The following CLEC16A variants were observed in gnomAD, a reference collection of about 807,000 sequenced individuals.
CLEC16A encodes the protein C-type lectin domain containing 16A, also known as protein CLEC16A.
CLEC16A carries 51 observed loss-of-function variants against 109.5 expected under a neutral mutation model. The ratio of observed to expected loss-of-function variants is 0.47; its 90% confidence interval spans 0.37 to 0.59. The LOEUF is 0.59. Among genes scored for constraint, CLEC16A ranks in the 20% least tolerant of loss-of-function variants. The probability of loss-of-function intolerance (pLI) is 0.00; values close to 1 mark genes in which losing one functional copy is unlikely to be tolerated. For synonymous variants in CLEC16A, 673 were observed against 564.2 expected (o/e 1.19, Z -2.73); for missense variants, 1,339 against 1,394.0 (o/e 0.96, Z 0.63).
chr16:11,061,004 G>A lies in CLEC16A; in HGVS notation c.2098G>A (p.Asp700Asn). The A allele has an allele frequency of 6.2e-7, 1 of 1,609,876 alleles. No individual in the cohort carries two copies. The highest frequency in any genetic ancestry group is 8.5e-7 in the Non-Finnish European group (1 of 1,178,762). The part of the protein sequence containing the change: ...LTREEDLIKT[D>N]DVLDLNNSDL... ...TCGGGAGGAGGACCTGATCAAGACT[G>A]ATGATGTCCTGGATCTGAGTGAGTT... is the stretch of plus-strand genomic sequence containing the variant. Residue 700 changes from aspartate to asparagine, a missense_variant, in exon 19 of 24, where the codon GAT (aspartate) becomes AAT (asparagine). Physicochemically the swap from Asp to Asn is conservative, Grantham distance 23 (BLOSUM62 1). Around this residue, in one of 3 missense-constraint regions of CLEC16A, gnomAD observed 1,061 missense variants for 1,006.8 expected, o/e 1.05. Coordinates refer to ENST00000409790, the MANE Select transcript of CLEC16A (RefSeq NM_015226.3).
chr16:11,018,795 A>G (rs187483561), intron 11 of CLEC16A, among the ~76,000 whole-genome samples: 2 of 149,628 alleles, frequency 1.3e-5, no homozygotes, highest in African/African-American at 4.9e-5. Flanking sequence ...TTCAAGAGAT[A>G]GTGAGAAGCC....
At chr16:10,989,704 C>G (rs985042056) in intron 10 of CLEC16A, among the ~76,000 whole-genome samples, 1 of 152,192 alleles carries the variant, frequency 6.6e-6, no homozygotes, top group Non-Finnish European at 1.5e-5. Context: ...AGATGAATCT[C>G]TGGACACCTG....
At chr16:11,046,588 C>T (rs1356242394) in intron 16 of CLEC16A, among the ~76,000 whole-genome samples, 1 of 152,266 alleles carries the variant, frequency 6.6e-6, no homozygotes, top group Non-Finnish European at 1.5e-5. Context: ...CAACCCTGAA[C>T]GAGTGACAGG....
chr16:11,051,967 C>T (rs981797304), intron 18 of CLEC16A, among the ~76,000 whole-genome samples: 3 of 152,146 alleles, frequency 2.0e-5, no homozygotes, highest in African/African-American at 4.8e-5. Flanking sequence ...GGGGTGAGCA[C>T]GGTACATCCA....
intron 17 of CLEC16A, among the ~76,000 whole-genome samples, chr16:11,051,192 C>T (rs2047921694): frequency 6.6e-6 from 1 of 152,210 alleles, no homozygotes; most frequent in Non-Finnish European, 1.5e-5. Flanking sequence ...ACCTGGCCTC[C>T]TGCTGAGAAT....
chr16:10,945,783 C>G (rs1384083044), intron 1 of CLEC16A, among the ~76,000 whole-genome samples: 1 of 152,190 alleles, frequency 6.6e-6, no homozygotes, highest in Admixed American at 6.5e-5. Context: ...TCCCCCCATC[C>G]CAGTTCCTAT....
At chr16:11,157,788 G>A (rs2054588522) in intron 22 of CLEC16A, among the ~76,000 whole-genome samples, 1 of 152,220 alleles carries the variant, frequency 6.6e-6, no homozygotes. Context: ...TCTTTGAGCA[G>A]CCGTGGGTAG....
chr16:11,111,041 A>G (rs985406537), intron 19 of CLEC16A, among the ~76,000 whole-genome samples: 5 of 151,926 alleles, frequency 3.3e-5, no homozygotes, highest in African/African-American at 1.2e-4. Context: ...AAGGTCCCCA[A>G]AACAGCCAAT....
At chr16:11,027,512 G>T in intron 13 of CLEC16A, 1 of 1,582,952 alleles carries the variant, frequency 6.3e-7, no homozygotes, top group Non-Finnish European at 8.6e-7. Context: ...TCAAGAGTAA[G>T]ACCATCCCTC....
chr16:11,080,265 C>T (rs538250590), intron 19 of CLEC16A, among the ~76,000 whole-genome samples: 1 of 152,320 alleles, frequency 6.6e-6, no homozygotes, highest in South Asian at 2.1e-4. Flanking sequence ...TGCACTTCAG[C>T]AGGTGGGTGC....
chr16:11,143,541 T>C (rs1420565416), intron 22 of CLEC16A, among the ~76,000 whole-genome samples: 1 of 152,210 alleles, frequency 6.6e-6, no homozygotes, highest in Non-Finnish European at 1.5e-5. Context: ...CCTGGCAACC[T>C]TCATTTAACC....
At chr16:11,020,122 C>G in intron 11 of CLEC16A, 71 bp from the exon 12 acceptor site, 3 of 1,505,674 alleles carry the variant, frequency 2.0e-6, no homozygotes, top group Middle Eastern at 1.8e-4. Context: ...TATTCTCCAA[C>G]ATGAGCATGT....
chr16:11,008,728 C>T (rs142240377), intron 11 of CLEC16A, among the ~76,000 whole-genome samples: 172 of 151,360 alleles, frequency 1.1e-3, no homozygotes, highest in Non-Finnish European at 1.8e-3. Context: ...CGGTGGTTCA[C>T]GCCTGTAATC....
intron 15 of CLEC16A, among the ~76,000 whole-genome samples, chr16:11,042,834 G>A (rs752420403): frequency 6.6e-6 from 1 of 150,930 alleles, no homozygotes; most frequent in Non-Finnish European, 1.5e-5. Context: ...TTGACATTTT[G>A]TCTGTGTCTG....
intron 23 of CLEC16A, among the ~76,000 whole-genome samples, chr16:11,171,938 A>T (rs1167735556): frequency 6.6e-6 from 1 of 152,116 alleles, no homozygotes; most frequent in Admixed American, 6.5e-5. Flanking sequence ...ACACACTCAC[A>T]CATACAAGTG....
chr16:11,067,808 G>A (rs2048853206), intron 19 of CLEC16A, among the ~76,000 whole-genome samples: 1 of 152,180 alleles, frequency 6.6e-6, no homozygotes, highest in Non-Finnish European at 1.5e-5. Flanking sequence ...CGGACAGTCT[G>A]GTTTGCCCCA....
At chr16:11,153,464 A>G (rs990529305) in intron 22 of CLEC16A, among the ~76,000 whole-genome samples, 2 of 151,854 alleles carry the variant, frequency 1.3e-5, no homozygotes, top group African/African-American at 4.8e-5. Flanking sequence ...ACTGTCTCAT[A>G]TTTTAACATA....
intron 7 of CLEC16A, among the ~76,000 whole-genome samples, chr16:10,974,390 G>T (rs1251697219): frequency 6.6e-6 from 1 of 152,138 alleles, no homozygotes. Context: ...GTCCTCAAAG[G>T]GATGATTAGA....
chr16:11,057,322 C>T (rs772277018), intron 18 of CLEC16A, among the ~76,000 whole-genome samples: 2 of 152,258 alleles, frequency 1.3e-5, no homozygotes, highest in South Asian at 4.1e-4. Context: ...GAAAACCGAG[C>T]CTTTGTTCCA....
Sources: allele counts gnomAD v4.1 joint callset (sites outside exome capture counted in the v4.1 genomes callset), GRCh38; gene constraint gnomAD v4.1.1; regional missense constraint gnomAD v4.1.1; transcripts MANE v1.5; gene names NCBI Gene and HGNC (gene_info 2026-07-23, HGNC 2026-07-21).